The following RXRA variants were observed in gnomAD, a reference collection of about 807,000 sequenced individuals.
The protein encoded by RXRA is retinoic acid receptor RXR-alpha.
In RXRA, 5 loss-of-function variants were observed where a neutral mutation model predicts 44.5. The observed-to-expected ratio is 0.11, with a 90% CI of 0.06 to 0.24. RXRA has a LOEUF of 0.24. RXRA is among the 10% of genes least tolerant of loss of function. The pLI, the probability that RXRA is intolerant of heterozygous loss-of-function variation, is 1.00. For synonymous variants in RXRA, 291 were observed against 271.4 expected (o/e 1.07, Z -0.71); for missense variants, 412 against 646.5 (o/e 0.64, Z 3.93).
At position 134,417,859 on chromosome 9, in the gene RXRA, C is replaced by T. The variant is rs1016765676; in HGVS notation, c.780+532C>T. On this transcript the variant is annotated intron_variant, in intron 5 of 9. Coordinates refer to ENST00000481739, the MANE Select transcript of RXRA (RefSeq NM_002957.6). The surrounding 1 kb of genome is among the most constrained non-coding windows in gnomAD (Gnocchi z 6.1). ...AGCTCTGCAGCCCCCCAGCTGGTCA[C>T]CCCCATGCTGACCCTCCTGCCCCCT... Among the ~76,000 whole-genome samples, 2 of 152,050 alleles carry T rather than the reference C, an allele frequency of 1.3e-5. No individual in the cohort carries two copies. The highest frequency in any genetic ancestry group is 4.8e-5 in the African/African-American group (2 of 41,394).
At chr9:134,406,568 C>T (rs35680567) in intron 2 of RXRA, among the ~76,000 whole-genome samples, 9,543 of 152,222 alleles carry the variant, frequency 0.063, 975 homozygotes, top group African/African-American at 0.22. Flanking sequence ...CCAGTGCCTC[C>T]AAGCGAGACA....
chr9:134,382,135 C>T (rs1830656160), intron 1 of RXRA, among the ~76,000 whole-genome samples: 1 of 148,128 alleles, frequency 6.8e-6, no homozygotes, highest in Non-Finnish European at 1.5e-5. Context: ...TGGGGGGGCG[C>T]AGGGCAGTGG....
intron 1 of RXRA, among the ~76,000 whole-genome samples, chr9:134,352,118 G>A (rs374522951): frequency 1.3e-5 from 2 of 152,312 alleles, no homozygotes; most frequent in East Asian, 1.9e-4. Flanking sequence ...AGTCGGGCTG[G>A]GGTGCAGCAA....
At chr9:134,413,930 C>T (rs1831192104) in intron 4 of RXRA, among the ~76,000 whole-genome samples, 1 of 152,270 alleles carries the variant, frequency 6.6e-6, no homozygotes, top group African/African-American at 2.4e-5. Context: ...AGCAGCCTCC[C>T]CCGTGCCTCC....
Position 134,343,165 on chromosome 9 carries a change from C to T in RXRA, c.28+16506C>T, listed in dbSNP as rs1186634091. 6.6e-6 allele frequency among the ~76,000 whole-genome samples: 1 copy of T among 152,142 alleles called. No individual in the cohort carries two copies. Among genetic ancestry groups the T allele is most frequent in the Non-Finnish European group, 1.5e-5 (1 of 68,008 alleles). ...CCACAGTTCAGGGCCCCACACAGAC[C>T]TTTTACATGCTGTGTGACCTGGGGC... On this transcript the variant is annotated intron_variant, in intron 1 of 9. Transcript: ENST00000481739. This position sits in a 1 kb window ranked among gnomAD's most constrained non-coding sequence, Gnocchi z 4.1.
At chr9:134,413,511 G>A (rs776263928) in intron 4 of RXRA, among the ~76,000 whole-genome samples, 31 of 152,152 alleles carry the variant, frequency 2.0e-4, no homozygotes, top group Non-Finnish European at 4.3e-4. Flanking sequence ...CTGCTCTCTG[G>A]GTCTCTGTCT....
intron 1 of RXRA, among the ~76,000 whole-genome samples, chr9:134,363,052 C>T (rs1303141356): frequency 6.6e-6 from 1 of 152,238 alleles, no homozygotes; most frequent in African/African-American, 2.4e-5. Context: ...TGCCCCTTCT[C>T]CCAGACAGAA....
intron 5 of RXRA, among the ~76,000 whole-genome samples, chr9:134,421,106 T>C (rs925171814): frequency 6.6e-6 from 1 of 152,250 alleles, no homozygotes; most frequent in Non-Finnish European, 1.5e-5. Context: ...CGCACCTGCC[T>C]TCCAGAGCTG....
intron 1 of RXRA, among the ~76,000 whole-genome samples, chr9:134,344,663 C>T (rs528420281): frequency 6.6e-6 from 1 of 152,278 alleles, no homozygotes; most frequent in South Asian, 2.1e-4. Flanking sequence ...CCCTCTGTGG[C>T]TCCCCAGGGT....
At chr9:134,360,145 C>T (rs968894623) in intron 1 of RXRA, among the ~76,000 whole-genome samples, 2 of 152,198 alleles carry the variant, frequency 1.3e-5, no homozygotes, top group African/African-American at 4.8e-5. Context: ...CGCGATTGCT[C>T]TGTCCTGCCT....
At chr9:134,350,400 G>A (rs2119041993) in intron 1 of RXRA, among the ~76,000 whole-genome samples, 1 of 152,312 alleles carries the variant, frequency 6.6e-6, no homozygotes, top group South Asian at 2.1e-4. Context: ...CTCGCCCCCT[G>A]GGTGGTGGCT....
intron 4 of RXRA, among the ~76,000 whole-genome samples, chr9:134,412,047 A>T (rs1008512036): frequency 5.3e-5 from 8 of 152,142 alleles, no homozygotes; most frequent in Non-Finnish European, 8.8e-5. Context: ...TTGGCTCCAG[A>T]TGGGTCCTGA....
intron 1 of RXRA, among the ~76,000 whole-genome samples, chr9:134,336,001 T>C (rs1250599598): frequency 6.6e-6 from 1 of 152,160 alleles, no homozygotes; most frequent in Admixed American, 6.5e-5. Flanking sequence ...GGAAAACAGC[T>C]CTGACCGTGA....
intron 1 of RXRA, among the ~76,000 whole-genome samples, chr9:134,367,704 C>T (rs913954633): frequency 3.3e-5 from 5 of 152,218 alleles, no homozygotes; most frequent in Non-Finnish European, 7.4e-5. Context: ...CACCATGGTC[C>T]CCCAAGGGGC....
intron 1 of RXRA, among the ~76,000 whole-genome samples, chr9:134,394,515 C>A (rs918399988): frequency 8.3e-4 from 127 of 152,248 alleles, no homozygotes; most frequent in Admixed American, 1.4e-3. Context: ...GTGGGTCACT[C>A]TTCCTCATTC....
intron 1 of RXRA, among the ~76,000 whole-genome samples, chr9:134,387,796 TC>T (rs1419772944): frequency 6.6e-6 from 1 of 152,252 alleles, no homozygotes; most frequent in Non-Finnish European, 1.5e-5. Flanking sequence ...CCTGGGCATC[TC>T]TGGGCTCAGC....
chr9:134,361,552 T>G (rs1323068906), intron 1 of RXRA, among the ~76,000 whole-genome samples: 4 of 152,222 alleles, frequency 2.6e-5, no homozygotes, highest in Non-Finnish European at 5.9e-5. Flanking sequence ...TTGCGTCTCC[T>G]GAGACTAAAT....
rs751096348 is a variant in RXRA at position 134,421,896 on chromosome 9, C to CGGGACACTCCCCTGTCCT, written c.910+104_910+121dup. ...CCCCTCCCGGGATACTCCGCACTCCCGGGACACTCCCCTGTCCTGGGACAC... is the reference window on the plus strand; with the variant it reads ...CCCCTCCCGGGATACTCCGCACTCCCGGGACACTCCCCTGTCCTGGGACACTCCCCTGTCCTGGGACAC... On this transcript the variant is annotated intron_variant, in intron 6 of 9. Coordinates refer to ENST00000481739, the MANE Select transcript of RXRA (RefSeq NM_002957.6). 3 of 1,547,350 alleles carry CGGGACACTCCCCTGTCCT rather than the reference C, an allele frequency of 1.9e-6. No homozygotes were observed. The East Asian group carries it at 7.3e-5, about 38-fold the overall frequency.
At chr9:134,430,108 G>A (rs950881201) in intron 7 of RXRA, among the ~76,000 whole-genome samples, 2 of 152,240 alleles carry the variant, frequency 1.3e-5, no homozygotes, top group Non-Finnish European at 1.5e-5. Flanking sequence ...GGATGGTCTC[G>A]ATCTCCTGAC....
Sources: gnomAD v4.1 joint callset for allele counts (sites outside exome capture counted in the v4.1 genomes callset) on GRCh38, gnomAD v4.1.1 for gene constraint, Gnocchi (gnomAD v3.1) non-coding constraint, MANE v1.5 for transcripts, NCBI Gene and HGNC (gene_info 2026-07-23, HGNC 2026-07-21) for gene names.